The following AMY2A variants were observed in gnomAD, a reference collection of about 807,000 sequenced individuals.
AMY2A encodes the protein amylase alpha 2A, also known as pancreatic alpha-amylase.
AMY2A carries 16 observed loss-of-function variants against 43.0 expected under a neutral mutation model. That is an observed-to-expected ratio of 0.37 (90% CI 0.25 to 0.56). AMY2A has a LOEUF of 0.56. Ranked by LOEUF, AMY2A falls within the 20% of genes least tolerant of loss-of-function variation. The probability of loss-of-function intolerance (pLI) is 0.77; values close to 1 mark genes in which losing one functional copy is unlikely to be tolerated. For synonymous variants in AMY2A, 70 were observed against 144.6 expected (o/e 0.48, Z 3.70); for missense variants, 212 against 456.8 (o/e 0.46, Z 4.89).
chr1:103,618,027 G>A lies in AMY2A; in HGVS notation c.242G>A (p.Ser81Asn). The change falls in exon 2 of 10, where the codon AGC (serine) becomes AAC (asparagine). Residue 81 changes from serine (S) to asparagine (N), a missense_variant. Transcript: ENST00000414303. Reference sequence around the variant, plus strand: ...TGGTGGGAAAGATACCAACCAGTTAGCTATAAATTATGCACAAGATCTGGA... The same window carrying A: ...TGGTGGGAAAGATACCAACCAGTTAACTATAAATTATGCACAAGATCTGGA... ...RPWWERYQPV[S>N]YKLCTRSGNE... 1.2e-6 allele frequency: 2 copies of A among 1,600,570 alleles called. No individual in the cohort carries two copies. The highest frequency in any genetic ancestry group is 1.7e-6 in the Non-Finnish European group (2 of 1,170,670).
At chr1:103,617,280 T>C, upstream of AMY2A, 1 of 1,388,694 alleles carries the variant, frequency 7.2e-7, no homozygotes, top group Middle Eastern at 2.6e-4. Flanking sequence ...GACTTTTTGA[T>C]GTTCTTTACC....
At chr1:103,617,708 G>A (rs1653116902) in intron 1 of AMY2A, 100 bp downstream of exon 1, 2 of 1,587,236 alleles carry the variant, frequency 1.3e-6, no homozygotes, top group East Asian at 2.2e-5. Context: ...TTACTTCACA[G>A]GTAAGTATTC....
chr1:103,617,029 C>T (rs532715571), upstream of AMY2A: 2 of 1,037,638 alleles, frequency 1.9e-6, no homozygotes, highest in South Asian at 2.8e-5. Flanking sequence ...TGTTACTTAC[C>T]TTGAGTTGGA....
In AMY2A at chr1:103,619,908, T is replaced by G. The variant is rs1404340486; in HGVS notation, c.744+124T>G. On this transcript the variant is annotated intron_variant, in intron 4 of 9. Transcript: ENST00000414303. ...AGACATTTACATAAAACAGTGTTCT[T>G]TAACCTCCTCTTCTTCACATACAGC... is the stretch of plus-strand genomic sequence containing the variant. The G allele has an allele frequency of 1.2e-5, 18 of 1,485,180 alleles. 1 individual carries two copies. Among genetic ancestry groups the G allele is most frequent in the Middle Eastern group, 1.8e-4 (1 of 5,634 alleles). The allele number at this position is 1,485,180 out of a possible 1,614,324, so 92.0% of individuals were successfully genotyped here. A position where few individuals can be genotyped will look rare whatever the true frequency, so the allele number is the denominator to read the frequency against.
rs756929408 is a variant in AMY2A, at chr1:103,618,731, G to C, written c.316-180G>C. ...ATTTGACCAAGTGTCTAGAAGGCAT[G>C]TAGGTGTTTAGTTCACATTACTTTC... On this transcript the variant is annotated intron_variant, in intron 2 of 9. Transcript: ENST00000414303. Among the ~76,000 whole-genome samples, 4 of 150,684 alleles carry C rather than the reference G, an allele frequency of 2.7e-5. 1 individual carries two copies. Among genetic ancestry groups the C allele is most frequent in the Non-Finnish European group, 5.9e-5 (4 of 67,294 alleles).
upstream of AMY2A, chr1:103,617,012 C>T (rs528769551): frequency 1.4e-4 from 147 of 1,042,928 alleles, 8 homozygotes; most frequent in South Asian, 3.8e-3. Flanking sequence ...ACCAGAGCAC[C>T]GTGGGCTGTT....
chr1:103,617,107 A>T, upstream of AMY2A: 1 of 964,750 alleles, frequency 1.0e-6, no homozygotes, highest in Non-Finnish European at 1.4e-6. Flanking sequence ...TTTGTATGCC[A>T]TTCTGGATCT....
In AMY2A at chr1:103,619,939, T is replaced by C; in HGVS notation, c.744+155T>C. The C allele has an allele frequency of 2.9e-6, 4 of 1,400,320 alleles. 1 individual carries two copies. The highest frequency in any genetic ancestry group is 3.9e-6 in the Non-Finnish European group (4 of 1,032,010). 86.7% of individuals were successfully genotyped at this position (1,400,320 alleles called of 1,614,324 possible). On this transcript the variant is annotated intron_variant, in intron 4 of 9. Coordinates refer to ENST00000414303, the MANE Select transcript of AMY2A (RefSeq NM_000699.4). ...TCCTCTTCTTCACATACAGCATATC[T>C]AATTCTTTATCACAACATGTTTTAT...
Position 103,619,795 on chromosome 1 carries a change from A to G in AMY2A, c.744+11A>G. The G allele has an allele frequency of 6.2e-7, 1 of 1,610,172 alleles. No homozygotes were observed. ...TTCATTTACCAGGAGGTACATCAAT[A>G]CTTATATGCCTATAAAATATCATCT... On this transcript the variant is annotated intron_variant, in intron 4 of 9. Transcript: ENST00000414303.
At chr1:103,623,656 CTT>C (rs1653245401) in intron 7 of AMY2A, among the ~76,000 whole-genome samples, 1 of 120,448 alleles carries the variant, frequency 8.3e-6, no homozygotes, top group South Asian at 2.6e-4. Context: ...AATTTGTTAC[CTT>C]GTTTGAAATA....
rs773897479 is a variant in AMY2A, at chr1:103,618,042, C to T, written c.257C>T (p.Thr86Ile). 25 of 1,600,546 alleles carry T rather than the reference C, an allele frequency of 1.6e-5. 4 individuals are homozygous for T. The highest frequency in any genetic ancestry group is 1.9e-5 in the Non-Finnish European group (22 of 1,170,674). ...RYQPVSYKLC[T>I]RSGNEDEFRN... is the part of the protein sequence containing the mutation. ...CAACCAGTTAGCTATAAATTATGCA[C>T]AAGATCTGGAAATGAAGATGAATTT... Residue 86 changes from threonine to isoleucine, a missense_variant, in exon 2 of 10, where the codon ACA (threonine) becomes ATA (isoleucine). This residue lies in a region of AMY2A where 199 missense variants were observed against 210.6 expected (regional missense o/e 0.94). Coordinates refer to ENST00000414303, the MANE Select transcript of AMY2A (RefSeq NM_000699.4).
intron 2 of AMY2A, 66 bp from the exon 3 acceptor site, chr1:103,618,845 C>G (rs1305531385): frequency 3.3e-6 from 2 of 613,670 alleles, no homozygotes; most frequent in African/African-American, 3.7e-5. Flanking sequence ...TATAAACTTG[C>G]ATCAATAATG....
At chr1:103,617,229 A>G (rs956759426), upstream of AMY2A, 2 of 1,171,798 alleles carry the variant, frequency 1.7e-6, no homozygotes. Flanking sequence ...CCTAAGAAAA[A>G]CATTAATATC....
intron 2 of AMY2A, among the ~76,000 whole-genome samples, chr1:103,618,373 C>T (rs550246947): frequency 5.3e-5 from 8 of 150,682 alleles, no homozygotes; most frequent in African/African-American, 1.7e-4. Context: ...TCGTATTTCC[C>T]GGAAACAATT....
intron 3 of AMY2A, 59 bp downstream of exon 3, chr1:103,619,167 C>T: frequency 1.7e-6 from 1 of 605,820 alleles, no homozygotes; most frequent in Non-Finnish European, 2.8e-6. Context: ...TTCTTGTAGA[C>T]ATGTAGCTAA....
intron 1 of AMY2A, 44 bp downstream of exon 1, chr1:103,617,652 G>T (rs575528406): frequency 1.2e-6 from 2 of 1,600,842 alleles, no homozygotes; most frequent in South Asian, 2.2e-5. Context: ...CACTGTGCTT[G>T]TAGGAAATAG....
chr1:103,618,891 G>A lies in AMY2A; in HGVS notation c.316-20G>A. ...CTACCTCTCTGTAAGTCACACTGAA[G>A]TAGAAACTTTGTTTTCTAGGTTCGT... is the stretch of plus-strand genomic sequence containing the variant. On this transcript the variant is annotated intron_variant, in intron 2 of 9. Transcript: ENST00000414303. 2.2e-6 allele frequency: 2 copies of A among 904,748 alleles called. No individual in the cohort carries two copies. The highest frequency in any genetic ancestry group is 3.5e-5 in the South Asian group (2 of 56,890). The allele number at this position is 904,748 out of a possible 1,614,324, so 56.0% of individuals were successfully genotyped here.
intron 1 of AMY2A, 150 bp downstream of exon 1, chr1:103,617,758 T>C: frequency 1.3e-6 from 2 of 1,532,664 alleles, no homozygotes; most frequent in Non-Finnish European, 1.8e-6. Flanking sequence ...TATGTAGTAT[T>C]CTTGGCAACT....
upstream of AMY2A, chr1:103,617,156 T>C (rs1016841773): frequency 1.7e-5 from 17 of 971,596 alleles, 1 homozygote; most frequent in Admixed American, 6.8e-5. Flanking sequence ...TCTACTGTTA[T>C]GTGAGAACAT....
Sources: allele counts gnomAD v4.1 joint callset (sites outside exome capture counted in the v4.1 genomes callset), GRCh38; gene constraint gnomAD v4.1.1; regional missense constraint gnomAD v4.1.1; transcripts MANE v1.5; gene names NCBI Gene and HGNC (gene_info 2026-07-23, HGNC 2026-07-21).